Variants in HYCC1 observed in about 807,000 individuals in gnomAD.
The protein encoded by HYCC1 is hyccin PI4KA lipid kinase complex subunit 1, also known as hyccin.
the HYCC1 span, among the ~76,000 whole-genome samples, chr7:22,906,579 A>AC: frequency 2.0e-5 from 3 of 148,922 alleles, no homozygotes; most frequent in African/African-American, 7.3e-5. Context: ...CTCGGTCTCA[A>AC]AAAAAAAAAA....
the HYCC1 span, chr7:22,946,959 T>C: frequency 8.4e-6 from 13 of 1,546,248 alleles, no homozygotes; most frequent in Non-Finnish European, 1.0e-5. Flanking sequence ...TACCTTGGAG[T>C]GCAGTTATAA....
chr7:22,916,692 T>C, the HYCC1 span, among the ~76,000 whole-genome samples: 1 of 152,186 alleles, frequency 6.6e-6, no homozygotes, highest in Non-Finnish European at 1.5e-5. Context: ...CTCACCCTGA[T>C]CGCACTTGGT....
the HYCC1 span, chr7:22,942,969 G>A: frequency 6.6e-6 from 1 of 152,058 alleles, no homozygotes; most frequent in African/African-American, 2.4e-5. Context: ...CAAATCATTT[G>A]AAGCAAAAAA....
At chr7:22,977,810 G>A in the HYCC1 span, among the ~76,000 whole-genome samples, 1 of 151,962 alleles carries the variant, frequency 6.6e-6, no homozygotes, top group Non-Finnish European at 1.5e-5. Context: ...AATACCATAC[G>A]AATTAACATA....
chr7:22,926,316 A>G, the HYCC1 span, among the ~76,000 whole-genome samples: 1 of 150,478 alleles, frequency 6.6e-6, no homozygotes, highest in African/African-American at 2.4e-5. Flanking sequence ...TGACAGGATC[A>G]AATTCACACA....
At chr7:23,007,298 C>T in the HYCC1 span, among the ~76,000 whole-genome samples, 15 of 152,090 alleles carry the variant, frequency 9.9e-5, no homozygotes. Context: ...GATTAGAAAA[C>T]ATGGGCTATT....
At chr7:22,933,659 ATTC>A in the HYCC1 span, among the ~76,000 whole-genome samples, 2 of 152,170 alleles carry the variant, frequency 1.3e-5, no homozygotes, top group African/African-American at 4.8e-5. Flanking sequence ...TGATTAATCC[ATTC>A]TTCAATATGC....
the HYCC1 span, among the ~76,000 whole-genome samples, chr7:22,921,318 A>G: frequency 6.6e-6 from 1 of 152,214 alleles, no homozygotes; most frequent in African/African-American, 2.4e-5. Context: ...AAAATATTGG[A>G]CTAGGAAAAT....
At chr7:22,981,532 T>C in the HYCC1 span, among the ~76,000 whole-genome samples, 1 of 152,176 alleles carries the variant, frequency 6.6e-6, no homozygotes, top group Non-Finnish European at 1.5e-5. Context: ...AGCGAGTGGT[T>C]TTTTTAAGAA....
At chr7:22,951,749 A>G in the HYCC1 span, among the ~76,000 whole-genome samples, 3 of 151,972 alleles carry the variant, frequency 2.0e-5, no homozygotes, top group Non-Finnish European at 4.4e-5. Context: ...ATGGAATATT[A>G]ACTCAATGTG....
chr7:22,947,096 C>T, the HYCC1 span: 1 of 1,550,466 alleles, frequency 6.4e-7, no homozygotes, highest in Non-Finnish European at 8.7e-7. Flanking sequence ...TGGCTGTTTC[C>T]TGCACACCCT....
the HYCC1 span, among the ~76,000 whole-genome samples, chr7:23,012,994 G>C: frequency 0.016 from 2,458 of 152,278 alleles, 73 homozygotes; most frequent in African/African-American, 0.056. Context: ...CCTACCTGAA[G>C]AGCGCCGCGG....
the HYCC1 span, chr7:22,977,271 A>G: frequency 4.1e-6 from 4 of 971,318 alleles, no homozygotes; most frequent in Middle Eastern, 4.2e-4. Flanking sequence ...TTCCTAAATA[A>G]CTAGATTATA....
At chr7:22,899,293 G>A in the HYCC1 span, among the ~76,000 whole-genome samples, 1 of 152,174 alleles carries the variant, frequency 6.6e-6, no homozygotes, top group Non-Finnish European at 1.5e-5. Flanking sequence ...CTTGCAGGTT[G>A]TACGTGGCCC....
chr7:22,951,248 CT>C, the HYCC1 span, among the ~76,000 whole-genome samples: 1 of 151,748 alleles, frequency 6.6e-6, no homozygotes, highest in Non-Finnish European at 1.5e-5. Context: ...ACCACCTTAG[CT>C]TTTGCTTTTA....
chr7:22,906,245 C>A, the HYCC1 span, among the ~76,000 whole-genome samples: 2 of 152,054 alleles, frequency 1.3e-5, no homozygotes, highest in Non-Finnish European at 2.9e-5. Flanking sequence ...ACATTAAAAA[C>A]TATTCTAAAA....
At chr7:22,960,217 T>G in the HYCC1 span, 9 of 1,590,646 alleles carry the variant, frequency 5.7e-6, no homozygotes, top group Non-Finnish European at 8.6e-7. Flanking sequence ...TGTAAAAGAA[T>G]CAACAATGGT....
the HYCC1 span, among the ~76,000 whole-genome samples, chr7:22,907,035 G>A: frequency 1.4e-5 from 2 of 147,274 alleles, no homozygotes; most frequent in Non-Finnish European, 3.0e-5. Context: ...AGCTTGGGAG[G>A]CAGAGGTTGC....
chr7:22,927,398 T>C, the HYCC1 span, among the ~76,000 whole-genome samples: 27 of 152,224 alleles, frequency 1.8e-4, no homozygotes, highest in African/African-American at 6.5e-4. Flanking sequence ...ATCCAGGAGC[T>C]GGTTTTTTGA....
Sources: gnomAD v4.1 joint callset for allele counts (sites outside exome capture counted in the v4.1 genomes callset) on GRCh38, gnomAD v4.1.1 for gene constraint, MANE v1.5 for transcripts, NCBI Gene and HGNC (gene_info 2026-07-23, HGNC 2026-07-21) for gene names.